The following TRIM7 variants were observed in gnomAD, a reference collection of about 807,000 sequenced individuals.
TRIM7 encodes the protein tripartite motif containing 7.
TRIM7 carries 32 observed loss-of-function variants against 37.9 expected under a neutral mutation model. That is an observed-to-expected ratio of 0.84 (90% CI 0.64 to 1.13). The LOEUF is 1.13. Among genes scored for constraint, TRIM7 ranks in the 50% most tolerant of loss-of-function variants. The probability of loss-of-function intolerance (pLI) is 0.00; values close to 1 mark genes in which losing one functional copy is unlikely to be tolerated. For missense variants in TRIM7, 732 were observed against 714.0 expected (o/e 1.03, Z -0.29); for synonymous variants, 351 against 321.3 (o/e 1.09, Z -0.99).
rs756590614 is a variant in TRIM7 at position 181,195,218 on chromosome 5, AAC to A, written c.1482_1483del (p.Phe495ProfsTer84). On this transcript the variant is annotated frameshift_variant, in exon 7 of 7. Transcript: ENST00000274773. LOFTEE classifies it high-confidence loss of function. ...CGTGGAGCAAACAGAGAAAAGCGGG[AAC>A]ACGCGCTCCTGGAAGTTGACGCGGA... 2 of 1,612,822 alleles carry A rather than the reference AAC, an allele frequency of 1.2e-6. No individual in the cohort carries two copies. Among genetic ancestry groups the A allele is most frequent in the Non-Finnish European group, 1.7e-6 (2 of 1,179,336 alleles).
intron 1 of TRIM7, chr5:181,204,333 G>T: frequency 8.4e-7 from 1 of 1,195,070 alleles, no homozygotes; most frequent in Non-Finnish European, 1.0e-6. Flanking sequence ...CGTGGGGGAC[G>T]TCGCGCAGGC....
rs764580305 is a variant in TRIM7, at chr5:181,195,174, A to G, written c.1528T>C (p.Trp510Arg). ...VCSTGTYLRI[W>R]P is the part of the protein sequence containing the mutation. ...CTCCCCAGCAGTGCCCCTCAAGGCC[A>G]GATTCGCAAGTAGGTGCCCGTGGAG... The change falls in exon 7 of 7, where the codon TGG becomes CGG. Residue 510 changes from tryptophan to arginine, a missense_variant. Physicochemically the swap from Trp to Arg is moderately radical, Grantham distance 101. Transcript: ENST00000274773. 6.3e-7 allele frequency: 1 copy of G among 1,598,836 alleles called. No individual in the cohort carries two copies. Among genetic ancestry groups the G allele is most frequent in the East Asian group, 2.2e-5 (1 of 44,652 alleles).
rs548655912 is a variant in TRIM7, at chr5:181,199,098, C to A, written c.869G>T (p.Ser290Ile). 2 of 1,614,210 alleles carry A rather than the reference C, an allele frequency of 1.2e-6. No individual in the cohort carries two copies. The highest frequency in any genetic ancestry group is 2.2e-5 in the South Asian group (2 of 91,082). Residue 290 changes from serine to isoleucine, a missense_variant, in exon 4 of 7, where the codon AGC (serine) becomes ATC (isoleucine). Coordinates refer to ENST00000274773, the MANE Select transcript of TRIM7 (RefSeq NM_203293.3). The stretch of plus-strand genomic sequence containing the variant: ...CAGGAGCTGTGAGGTCACTCACCTG[C>A]TCAGCGTGCTTTTGAATTCCTGGAA... ...DFLQEFKSTLSRCSNVPGPKP... is the reference protein window; with the variant it reads ...DFLQEFKSTLIRCSNVPGPKP...
chr5:181,194,968 A>G lies in TRIM7; in HGVS notation c.*198T>C. The stretch of plus-strand genomic sequence containing the variant: ...GTGACCTCAGGAAGGGAACACCCTC[A>G]GGAGTCCAAAGCCCCTGTTCCCCTG... On this transcript the variant is annotated 3_prime_UTR_variant, in exon 7 of 7. Transcript: ENST00000274773. 4 of 606,922 alleles carry G rather than the reference A, an allele frequency of 6.6e-6. No homozygotes were observed. In the South Asian group the frequency reaches 9.5e-5, roughly 14 times the overall value. 37.6% of individuals were successfully genotyped at this position (606,922 alleles called of 1,614,324 possible).
chr5:181,204,381 T>G (rs1307903933), intron 1 of TRIM7: 22 of 1,162,712 alleles, frequency 1.9e-5, no homozygotes, highest in African/African-American at 1.0e-4. Flanking sequence ...GCAGTGGGGG[T>G]GGGGTGGGGG....
Position 181,198,377 on chromosome 5 carries a change from G to A in TRIM7, c.989-159C>T. On this transcript the variant is annotated intron_variant, in intron 5 of 6. Transcript: ENST00000274773. ...ACAGGGCCAAGCATGGGGAGCGGGG[G>A]GCAGGGGGCCCATACCCAAGCATTC... 3 of 784,838 alleles carry A rather than the reference G, an allele frequency of 3.8e-6. No homozygotes were observed. The South Asian group carries it at 4.9e-5, about 13-fold the overall frequency. 48.6% of individuals were successfully genotyped at this position (784,838 alleles called of 1,614,324 possible). A position where few individuals can be genotyped will look rare whatever the true frequency, so the allele number is the denominator to read the frequency against.
chr5:181,200,482 C>G, intron 2 of TRIM7: 1 of 1,122,312 alleles, frequency 8.9e-7, no homozygotes, highest in Middle Eastern at 4.0e-4. Flanking sequence ...ACATTTATTT[C>G]ATCACCCTCA....
chr5:181,195,976 A>C (rs1757095268), intron 6 of TRIM7: 1 of 389,620 alleles, frequency 2.6e-6, no homozygotes, highest in African/African-American at 2.1e-5. Context: ...AAGAATCATT[A>C]ATCTGTCCAG....
chr5:181,197,716 G>C (rs371647269), intron 6 of TRIM7: 1 of 171,618 alleles, frequency 5.8e-6, no homozygotes, highest in African/African-American at 2.4e-5. Context: ...TCAGACATCA[G>C]CATCAGGAAT....
At chr5:181,203,781 T>A in intron 1 of TRIM7, 141 bp from the exon 2 acceptor site, 5 of 1,435,904 alleles carry the variant, frequency 3.5e-6, no homozygotes, top group Non-Finnish European at 4.5e-6. Context: ...CTCTACAGGC[T>A]ACAGGTTACA....
In TRIM7 at chr5:181,198,769, G is replaced by T; in HGVS notation, c.909C>A (p.Val303=). The change falls in exon 5 of 7, where the codon GTC becomes GTA. Residue 303 remains valine (V), a synonymous_variant. Coordinates refer to ENST00000274773, the MANE Select transcript of TRIM7 (RefSeq NM_203293.3). ...AGACTTTATTCTTCATCTCAGAAGAGACTGTGGTTGGCTTGGGGCCAGGCA... is the reference window on the plus strand; with the variant it reads ...AGACTTTATTCTTCATCTCAGAAGATACTGTGGTTGGCTTGGGGCCAGGCA... ...SNVPGPKPTT[V]SSEMKNKVWN... The T allele has an allele frequency of 1.2e-6, 2 of 1,614,116 alleles. No individual in the cohort carries two copies. The highest frequency in any genetic ancestry group is 1.7e-6 in the Non-Finnish European group (2 of 1,179,996).
Position 181,195,154 on chromosome 5 carries a change from CAGCAG to C in TRIM7, c.*7_*11del, listed in dbSNP as rs767833848. 6.3e-7 allele frequency: 1 copy of C among 1,581,506 alleles called. No individual in the cohort carries two copies. Among genetic ancestry groups the C allele is most frequent in the Non-Finnish European group, 8.6e-7 (1 of 1,161,222 alleles). On this transcript the variant is annotated 3_prime_UTR_variant, in exon 7 of 7. Coordinates refer to ENST00000274773, the MANE Select transcript of TRIM7 (RefSeq NM_203293.3). ...CGGCAGCCCAGAGACAGGAGCTCCC[CAGCAG>C]TGCCCCTCAAGGCCAGATTCGCAAG...
Position 181,204,642 on chromosome 5 carries a change from C to A in TRIM7, c.469G>T (p.Glu157Ter). The A allele has an allele frequency of 6.7e-6, 10 of 1,492,686 alleles. No individual in the cohort carries two copies. Among genetic ancestry groups the A allele is most frequent in the Non-Finnish European group, 8.8e-6 (10 of 1,133,128 alleles). The allele number at this position is 1,492,686 out of a possible 1,614,324, so 92.5% of individuals were successfully genotyped here. ...GGCAGCACGGCGTGCTCGCGGTGCT[C>A]GCGGGCGCGGTCGCACACCACGCAG... Reference protein sequence around the residue: ...AICVVCDRAREHREHAVLPLD... With the variant: ...AICVVCDRAR Residue 157 changes from glutamate to a stop codon, truncating the protein, a stop_gained, in exon 1 of 7, where the codon GAG becomes TAG. Coordinates refer to ENST00000274773, the MANE Select transcript of TRIM7 (RefSeq NM_203293.3). LOFTEE classifies it high-confidence loss of function.
intron 4 of TRIM7, 69 bp downstream of exon 4, chr5:181,199,025 AT>A: frequency 6.3e-7 from 1 of 1,595,302 alleles, no homozygotes; most frequent in Non-Finnish European, 8.6e-7. Flanking sequence ...GGGACAGGGA[AT>A]AAAGACAAGG....
intron 1 of TRIM7, 159 bp from the exon 2 acceptor site, chr5:181,203,799 G>A (rs1239524831): frequency 7.9e-6 from 11 of 1,395,278 alleles, no homozygotes; most frequent in Middle Eastern, 5.3e-4. Context: ...ACACTGCGAG[G>A]TGACTCTGAA....
intron 6 of TRIM7, chr5:181,197,254 C>G (rs1757186037): frequency 6.6e-6 from 1 of 152,208 alleles, no homozygotes; most frequent in African/African-American, 2.4e-5. Context: ...CTGCCTGCAG[C>G]TTCCTTCCCA....
In TRIM7 at chr5:181,200,551, C is replaced by G. The variant is rs1757419929; in HGVS notation, c.619-470G>C. On this transcript the variant is annotated intron_variant, in intron 2 of 6. Coordinates refer to ENST00000274773, the MANE Select transcript of TRIM7 (RefSeq NM_203293.3). ...TCTTTCCTGTTTAGCAGTTATAATG[C>G]TAACACATGCTCAAAATACAAAACT... 3.9e-6 allele frequency: 4 copies of G among 1,023,218 alleles called. No individual in the cohort carries two copies. In the East Asian group the frequency reaches 2.7e-4, roughly 69 times the overall value. The allele number at this position is 1,023,218 out of a possible 1,614,324, so 63.4% of individuals were successfully genotyped here. A position where few individuals can be genotyped will look rare whatever the true frequency, so the allele number is the denominator to read the frequency against.
At chr5:181,202,946 T>C (rs1337727051) in intron 2 of TRIM7, 1 of 152,338 alleles carries the variant, frequency 6.6e-6, no homozygotes, top group East Asian at 1.9e-4. Flanking sequence ...TCATTCCAAC[T>C]TGGGGTAGAG....
At chr5:181,204,171 T>G (rs983356276) in intron 1 of TRIM7, 1 of 1,006,836 alleles carries the variant, frequency 9.9e-7, no homozygotes, top group Non-Finnish European at 1.2e-6. Flanking sequence ...TTCCACGAGG[T>G]GGGGACTTTG....
Sources: gnomAD v4.1 joint callset for allele counts on GRCh38, gnomAD v4.1.1 for gene constraint, MANE v1.5 for transcripts, NCBI Gene and HGNC (gene_info 2026-07-23, HGNC 2026-07-21) for gene names.